ESRRG: variants seen among roughly 807,000 people sequenced by gnomAD.
The protein encoded by ESRRG is estrogen related receptor gamma, also known as estrogen-related receptor gamma.
ESRRG carries 13 observed loss-of-function variants against 44.0 expected under a neutral mutation model. The observed-to-expected ratio is 0.30, with a 90% CI of 0.19 to 0.47. ESRRG has a LOEUF of 0.47. Ranked by LOEUF, ESRRG falls within the 20% of genes least tolerant of loss-of-function variation. The probability of loss-of-function intolerance (pLI) is 1.00; values close to 1 mark genes in which losing one functional copy is unlikely to be tolerated. For synonymous variants in ESRRG, 215 were observed against 214.6 expected, an observed-to-expected ratio of 1.00 and a Z score of -0.02; for missense variants, 395 against 580.6, an observed-to-expected ratio of 0.68 and a Z score of 3.29.
chr1:216,624,692 TC>T (rs2062868734), intron 3 of ESRRG, among the ~76,000 whole-genome samples: 2 of 152,150 alleles, frequency 1.3e-5, no homozygotes, highest in Admixed American at 1.3e-4. Context: ...AATATCTCCA[TC>T]CCTGAAAGTC....
At chr1:216,993,560 G>A (rs114565806) in intron 1 of ESRRG, among the ~76,000 whole-genome samples, 219 of 152,226 alleles carry the variant, frequency 1.4e-3, no homozygotes, top group African/African-American at 5.0e-3. Flanking sequence ...AAAAGCCTAA[G>A]GCAGAGACCG....
At chr1:217,019,409 G>A (rs1039091547) in intron 1 of ESRRG, among the ~76,000 whole-genome samples, 1 of 152,230 alleles carries the variant, frequency 6.6e-6, no homozygotes, top group East Asian at 1.9e-4. Context: ...TCATGTGTTG[G>A]TGACATTTGC....
intron 1 of ESRRG, among the ~76,000 whole-genome samples, chr1:217,045,703 A>T (rs2084750118): frequency 6.6e-6 from 1 of 152,088 alleles, no homozygotes; most frequent in South Asian, 2.1e-4. Context: ...ATACGACGGC[A>T]GTTGTCGTTT....
At chr1:216,601,350 C>T (rs1052035931) in intron 3 of ESRRG, among the ~76,000 whole-genome samples, 3 of 152,100 alleles carry the variant, frequency 2.0e-5, no homozygotes, top group Admixed American at 1.3e-4. Flanking sequence ...CCGGAGCCGA[C>T]GCCGGGCTTC....
At chr1:217,091,508 A>G (rs1323355128), upstream of ESRRG, among the ~76,000 whole-genome samples, 1 of 152,220 alleles carries the variant, frequency 6.6e-6, no homozygotes, top group Non-Finnish European at 1.5e-5. Context: ...TTCCACAGGG[A>G]AGATATTGTA....
chr1:217,072,643 C>G (rs1371215546), intron 1 of ESRRG, among the ~76,000 whole-genome samples: 1 of 152,116 alleles, frequency 6.6e-6, no homozygotes, highest in African/African-American at 2.4e-5. Flanking sequence ...TGAACCAGAC[C>G]TATAATGATT....
At chr1:217,129,781 TA>T (rs1310080691) in intron 1 of ESRRG, among the ~76,000 whole-genome samples, 2 of 152,064 alleles carry the variant, frequency 1.3e-5, no homozygotes, top group African/African-American at 4.8e-5. Flanking sequence ...GAAAGCAGAT[TA>T]AGGCTTGACA....
intron 1 of ESRRG, among the ~76,000 whole-genome samples, chr1:217,101,110 C>G (rs1461197507): frequency 6.6e-6 from 1 of 152,308 alleles, no homozygotes; most frequent in East Asian, 1.9e-4. Context: ...TGAGACACAT[C>G]CTCTTTCTTG....
At chr1:216,994,642 C>T (rs999552527) in intron 1 of ESRRG, among the ~76,000 whole-genome samples, 4 of 152,164 alleles carry the variant, frequency 2.6e-5, no homozygotes, top group Admixed American at 2.0e-4. Flanking sequence ...AGTGCAGTGG[C>T]GCTATGTCGG....
chr1:216,761,234 A>G (rs1370527435), intron 2 of ESRRG, among the ~76,000 whole-genome samples: 1 of 147,646 alleles, frequency 6.8e-6, no homozygotes, highest in African/African-American at 2.5e-5. Context: ...CTTTTTTTTT[A>G]TCAATTCCTG....
intron 5 of ESRRG, among the ~76,000 whole-genome samples, chr1:216,544,163 A>G (rs1036631333): frequency 2.0e-5 from 3 of 152,192 alleles, no homozygotes; most frequent in Non-Finnish European, 4.4e-5. Context: ...TATAATCTCA[A>G]CATCATTGTG....
At chr1:217,019,613 G>T (rs913463102) in intron 1 of ESRRG, among the ~76,000 whole-genome samples, 1 of 152,196 alleles carries the variant, frequency 6.6e-6, no homozygotes, top group Non-Finnish European at 1.5e-5. Flanking sequence ...TACATTCCAA[G>T]GGTATTTGGG....
At chr1:216,650,916 TG>T in intron 3 of ESRRG, 56 bp downstream of exon 3, 1 of 1,019,642 alleles carries the variant, frequency 9.8e-7, no homozygotes. Flanking sequence ...TGGAATTTTT[TG>T]CCTCCCATCC....
intron 1 of ESRRG, among the ~76,000 whole-genome samples, chr1:216,711,781 C>G (rs1451287376): frequency 6.6e-6 from 1 of 152,152 alleles, no homozygotes; most frequent in Non-Finnish European, 1.5e-5. Flanking sequence ...ATTCATGTGT[C>G]TCCCATCATC....
chr1:216,796,952 T>C (rs10863272), intron 2 of ESRRG, among the ~76,000 whole-genome samples: 113,133 of 152,022 alleles, frequency 0.74, 42,348 homozygotes, highest in Middle Eastern at 0.85. Flanking sequence ...AGTGCAGTGG[T>C]GCGATCTCGG....
At chr1:216,836,318 ATCTG>A (rs1330206512) in intron 2 of ESRRG, among the ~76,000 whole-genome samples, 2 of 152,188 alleles carry the variant, frequency 1.3e-5, no homozygotes, top group Admixed American at 6.5e-5. Context: ...AGTTTCAAGA[ATCTG>A]TCTGTTCATC....
chr1:216,522,979 T>A (rs1027208698), intron 5 of ESRRG, among the ~76,000 whole-genome samples: 2 of 152,210 alleles, frequency 1.3e-5, no homozygotes, highest in Admixed American at 6.5e-5. Context: ...GAGAGAAACC[T>A]CTTTCCCAAG....
chr1:216,702,560 C>T (rs545269700), intron 1 of ESRRG, among the ~76,000 whole-genome samples: 10 of 147,038 alleles, frequency 6.8e-5, no homozygotes, highest in South Asian at 6.4e-4. Flanking sequence ...GTCAGGAGTT[C>T]GAGACCAGCC....
At chr1:217,107,639 T>C (rs1472055651) in intron 1 of ESRRG, among the ~76,000 whole-genome samples, 1 of 152,212 alleles carries the variant, frequency 6.6e-6, no homozygotes, top group African/African-American at 2.4e-5. Context: ...AGTTACCTAT[T>C]AGATATATGG....
Sources: allele counts gnomAD v4.1 joint callset (sites outside exome capture counted in the v4.1 genomes callset), GRCh38; gene constraint gnomAD v4.1.1; transcripts MANE v1.5; gene names NCBI Gene and HGNC (gene_info 2026-07-23, HGNC 2026-07-21).